The following VAV2 variants were observed in gnomAD, a reference collection of about 807,000 sequenced individuals.
VAV2 encodes guanine nucleotide exchange factor VAV2.
A neutral mutation model predicts 132.5 loss-of-function variants in VAV2; 67 were observed. The observed-to-expected ratio is 0.51, with a 90% CI of 0.42 to 0.62. The LOEUF is 0.62. Ranked by LOEUF, VAV2 falls within the 20% of genes least tolerant of loss-of-function variation. The probability of loss-of-function intolerance (pLI) is 0.00; values close to 1 mark genes in which losing one functional copy is unlikely to be tolerated. For synonymous variants in VAV2, 492 were observed against 443.5 expected, an observed-to-expected ratio of 1.11 and a Z score of -1.37; for missense variants, 938 against 1,153.6, an observed-to-expected ratio of 0.81 and a Z score of 2.71.
chr9:133,864,901 G>C (rs111754840), intron 2 of VAV2, among the ~76,000 whole-genome samples: 1 of 152,198 alleles, frequency 6.6e-6, no homozygotes, highest in Admixed American at 6.5e-5. Context: ...GAGCTCCTCC[G>C]GGGTAGGAAC....
intron 4 of VAV2, among the ~76,000 whole-genome samples, chr9:133,820,323 C>CTTTTTTTTTTTTT (rs1410223095): frequency 6.7e-6 from 1 of 149,084 alleles, no homozygotes; most frequent in Non-Finnish European, 1.5e-5. Context: ...GTTTCTTTTT[C>CTTTTTTTTTTTTT]TTTTTCTTTT....
chr9:133,870,770 T>C (rs369057965), intron 2 of VAV2, among the ~76,000 whole-genome samples: 4 of 140,470 alleles, frequency 2.8e-5, no homozygotes, highest in East Asian at 2.1e-4. Context: ...GACAGATGGA[T>C]GGATAAGTGG....
At chr9:133,866,427 T>C (rs1221771789) in intron 2 of VAV2, among the ~76,000 whole-genome samples, 2 of 152,200 alleles carry the variant, frequency 1.3e-5, no homozygotes, top group Non-Finnish European at 2.9e-5. Flanking sequence ...CAAATCACCA[T>C]GAGCCTGCAG....
intron 1 of VAV2, among the ~76,000 whole-genome samples, chr9:133,951,299 C>A (rs1181021729): frequency 2.0e-5 from 3 of 152,180 alleles, no homozygotes; most frequent in Admixed American, 1.3e-4. Context: ...CGGGCAACTA[C>A]GGGGGCTGGA....
intron 3 of VAV2, among the ~76,000 whole-genome samples, chr9:133,849,552 G>A (rs1837086139): frequency 6.6e-6 from 1 of 152,200 alleles, no homozygotes. Context: ...TTGTGTCCTG[G>A]GGCTGCGTAA....
At chr9:133,931,484 T>TTCCCTCCCTTC (rs140782086) in intron 2 of VAV2, among the ~76,000 whole-genome samples, 130,576 of 151,612 alleles carry the variant, frequency 0.86, 57,378 homozygotes, top group East Asian at 0.97. Context: ...CCCTCCTTTC[T>TTCCCTCCCTTC]TCCCTCCCTT....
At chr9:133,765,562 C>A (rs1197682883) in intron 29 of VAV2, among the ~76,000 whole-genome samples, 1 of 152,180 alleles carries the variant, frequency 6.6e-6, no homozygotes, top group Non-Finnish European at 1.5e-5. Context: ...CAGAGAAAGA[C>A]TGAGGAATAT....
intron 3 of VAV2, among the ~76,000 whole-genome samples, chr9:133,847,678 G>A (rs1836991122): frequency 6.6e-6 from 1 of 152,218 alleles, no homozygotes. Flanking sequence ...TGCCCAACGG[G>A]TTGGCCCTGG....
Position 133,768,163 on chromosome 9 carries a change from G to C in VAV2, c.2589+279C>G, listed in dbSNP as rs1442584431. Among the ~76,000 whole-genome samples, 2 of 152,156 alleles carry C rather than the reference G, an allele frequency of 1.3e-5. No individual in the cohort carries two copies. The highest frequency in any genetic ancestry group is 2.9e-5 in the Non-Finnish European group (2 of 68,010). On this transcript the variant is annotated intron_variant, in intron 29 of 29. Transcript: ENST00000371850. The surrounding 1 kb of genome is among the most constrained non-coding windows in gnomAD (Gnocchi z 5.3). Reference sequence around the variant, plus strand: ...TATGAGGGCAGCCCAGAATAAAAATGGAACAGGGTCGGGGGGTTCCTAGGA... The same window carrying C: ...TATGAGGGCAGCCCAGAATAAAAATCGAACAGGGTCGGGGGGTTCCTAGGA...
intron 3 of VAV2, among the ~76,000 whole-genome samples, chr9:133,851,814 T>C (rs928836003): frequency 2.8e-5 from 4 of 143,844 alleles, no homozygotes; most frequent in Non-Finnish European, 4.5e-5. Flanking sequence ...GATGGATGGA[T>C]GGATGGATGG....
chr9:133,796,329 A>C (rs1423790491), intron 11 of VAV2, 100 bp downstream of exon 11: 4 of 980,526 alleles, frequency 4.1e-6, no homozygotes, highest in Non-Finnish European at 6.0e-6. Context: ...ATTCAACTTA[A>C]TCTGTCTGTG....
chr9:133,887,113 C>T (rs921757844), intron 2 of VAV2, among the ~76,000 whole-genome samples: 8 of 152,268 alleles, frequency 5.3e-5, no homozygotes, highest in South Asian at 2.1e-4. Flanking sequence ...GCAGGCCCCA[C>T]GCAGAAATCG....
At chr9:133,952,933 CCCCGGGACA>C (rs1841613381) in intron 1 of VAV2, among the ~76,000 whole-genome samples, 1 of 149,052 alleles carries the variant, frequency 6.7e-6, no homozygotes, top group Non-Finnish European at 1.5e-5. Flanking sequence ...GGAGCATGGC[CCCCGGGACA>C]CCTAGAACCT....
rs1838593913 is a variant in VAV2 at position 133,883,793 on chromosome 9, C to A, written c.322-22361G>T. Among the ~76,000 whole-genome samples the A allele has an allele frequency of 6.6e-6, 1 of 152,160 alleles. No individual in the cohort carries two copies. Among genetic ancestry groups the A allele is most frequent in the African/African-American group, 2.4e-5 (1 of 41,428 alleles). On this transcript the variant is annotated intron_variant, in intron 2 of 29. Coordinates refer to ENST00000371850, the MANE Select transcript of VAV2 (RefSeq NM_001134398.2). The surrounding 1 kb of genome is among the most constrained non-coding windows in gnomAD (Gnocchi z 4.2). ...GTGCCACTGTGAGGCTCAAGTACAC[C>A]CCAAAACTCACACTTGAGGTCCACA...
At chr9:133,836,250 TG>T (rs1588245390) in intron 3 of VAV2, among the ~76,000 whole-genome samples, 1 of 152,076 alleles carries the variant, frequency 6.6e-6, no homozygotes, top group Admixed American at 6.5e-5. Context: ...CAGGAGCACG[TG>T]GGGGGCCAGG....
At chr9:133,979,865 C>T (rs1011204341) in intron 1 of VAV2, among the ~76,000 whole-genome samples, 3 of 152,226 alleles carry the variant, frequency 2.0e-5, no homozygotes, top group African/African-American at 4.8e-5. Flanking sequence ...GGGAGCCTGC[C>T]GGCGTCACCT....
At chr9:133,858,627 C>T (rs879759502) in intron 3 of VAV2, among the ~76,000 whole-genome samples, 5 of 152,184 alleles carry the variant, frequency 3.3e-5, no homozygotes, top group Admixed American at 1.3e-4. Flanking sequence ...TTTACTGAGC[C>T]CTTCTCTGGG....
intron 1 of VAV2, among the ~76,000 whole-genome samples, chr9:133,973,741 T>C (rs2519136): frequency 0.55 from 83,905 of 152,002 alleles, 23,437 homozygotes; most frequent in East Asian, 0.77. Flanking sequence ...ACATTGCCAG[T>C]GTGTGGCTAC....
At chr9:133,873,965 C>A (rs1045099903) in intron 2 of VAV2, among the ~76,000 whole-genome samples, 1 of 152,202 alleles carries the variant, frequency 6.6e-6, no homozygotes, top group African/African-American at 2.4e-5. Context: ...AGGCCTCCTG[C>A]CTGCCAGATC....
Sources: allele counts gnomAD v4.1 joint callset (sites outside exome capture counted in the v4.1 genomes callset), GRCh38; gene constraint gnomAD v4.1.1; non-coding constraint Gnocchi (gnomAD v3.1); transcripts MANE v1.5; gene names NCBI Gene and HGNC (gene_info 2026-07-23, HGNC 2026-07-21).